The following PCDHGB2 variants were observed in gnomAD, a reference collection of about 807,000 sequenced individuals.
PCDHGB2 encodes protocadherin gamma-B2.
In PCDHGB2, 55 loss-of-function variants were observed where a neutral mutation model predicts 59.3. The ratio of observed to expected loss-of-function variants is 0.93; its 90% CI spans 0.75 to 1.16. The LOEUF (loss-of-function observed/expected upper bound fraction) is 1.16. Among genes scored for constraint, PCDHGB2 ranks in the 50% most tolerant of loss-of-function variants. The pLI is 0.00. For missense variants in PCDHGB2, 1,228 were observed against 1,198.5 expected (o/e 1.02, Z -0.36); for synonymous variants, 516 against 512.0 (o/e 1.01, Z -0.11).
chr5:141,365,422 T>C (rs537066811), intron 1 of PCDHGB2: 4 of 1,614,032 alleles, frequency 2.5e-6, no homozygotes, highest in East Asian at 2.2e-5. Flanking sequence ...TTCCCGGAAC[T>C]GTAATCGCGC....
At chr5:141,421,376 C>T in intron 1 of PCDHGB2, 2 of 1,614,030 alleles carry the variant, frequency 1.2e-6, no homozygotes, top group Non-Finnish European at 1.7e-6. Context: ...GGCAATATCT[C>T]CAAGGACCTG....
rs187873649 is a variant in PCDHGB2, at chr5:141,469,715, G to A, written c.2422-25092G>A. ...TATGACCTAGTAATCACACTATTAG[G>A]AATTTATCATAAATACACACCTCAA... On this transcript the variant is annotated intron_variant, in intron 1 of 3. Coordinates refer to ENST00000522605, the MANE Select transcript of PCDHGB2 (RefSeq NM_018923.3). Among the ~76,000 whole-genome samples, 552 of 152,160 alleles carry A rather than the reference G, an allele frequency of 3.6e-3. 1 individual carries two copies. Among genetic ancestry groups the A allele is most frequent in the Non-Finnish European group, 5.8e-3 (397 of 68,008 alleles).
rs367939205 is a variant in PCDHGB2 at position 141,383,529 on chromosome 5, G to A, written c.2421+20973G>A. ...GGGAGGAAGAGCGGGTTCACCACCT[G>A]GTCCTCACAGCCTCTGATGGCGGCG... On this transcript the variant is annotated intron_variant, in intron 1 of 3. Transcript: ENST00000522605. The A allele has an allele frequency of 3.0e-5, 48 of 1,612,474 alleles. No homozygotes were observed. The African/African-American group carries it at 5.7e-4, about 19-fold the overall frequency.
In PCDHGB2 at chr5:141,384,252, CT is replaced by C; in HGVS notation, c.2421+21698del. On this transcript the variant is annotated intron_variant, in intron 1 of 3. Transcript: ENST00000522605. ...CAGACACCAACGATAACCCACCCAC[CT>C]TCCCCCACTCATCCTACTCAGTCTA... 4 of 1,613,902 alleles carry C rather than the reference CT, an allele frequency of 2.5e-6. 1 individual carries two copies. In the South Asian group the frequency reaches 4.4e-5, roughly 18 times the overall value.
intron 1 of PCDHGB2, chr5:141,364,169 C>A: frequency 1.3e-6 from 1 of 765,758 alleles, no homozygotes; most frequent in Non-Finnish European, 1.9e-6. Flanking sequence ...GGCGACCCGA[C>A]TCTGCTCCCT....
intron 1 of PCDHGB2, among the ~76,000 whole-genome samples, chr5:141,469,206 A>T (rs752389937): frequency 6.6e-6 from 1 of 150,920 alleles, no homozygotes; most frequent in African/African-American, 2.4e-5. Flanking sequence ...AGCCTTTTGA[A>T]GTTGAGGCTT....
rs2099417733 is a variant in PCDHGB2, at chr5:141,477,771, G to C, written c.2422-17036G>C. ...ACCCCGGTCCTAGCCACCAACATCAGCGTGAACATATTTGTCACTGATCGC... is the reference window on the plus strand; with the variant it reads ...ACCCCGGTCCTAGCCACCAACATCACCGTGAACATATTTGTCACTGATCGC... On this transcript the variant is annotated intron_variant, in intron 1 of 3. Transcript: ENST00000522605. This position sits in a 1 kb window ranked among gnomAD's most constrained non-coding sequence, Gnocchi z 4.9. 3 of 1,613,992 alleles carry C rather than the reference G, an allele frequency of 1.9e-6. No homozygotes were observed. The highest frequency in any genetic ancestry group is 3.3e-4 in the Middle Eastern group (2 of 6,062).
chr5:141,499,029 A>AAGGAAGGAAGGAAGGAAGG (rs1562187768), intron 2 of PCDHGB2, among the ~76,000 whole-genome samples: 3 of 140,076 alleles, frequency 2.1e-5, no homozygotes, highest in African/African-American at 8.3e-5. Flanking sequence ...AGGAAGGAAG[A>AAGGAAGGAAGGAAGGAAGG]AAAGAAAGAA....
Position 141,491,913 on chromosome 5 carries a change from T to C in PCDHGB2, c.2422-2894T>C, listed in dbSNP as rs2099735120. 2.1e-6 allele frequency: 3 copies of C among 1,398,206 alleles called. No homozygotes were observed. Among genetic ancestry groups the C allele is most frequent in the Non-Finnish European group, 2.9e-6 (3 of 1,051,918 alleles). The allele number at this position is 1,398,206 out of a possible 1,614,324, so 86.6% of individuals were successfully genotyped here. On this transcript the variant is annotated intron_variant, in intron 1 of 3. Coordinates refer to ENST00000522605, the MANE Select transcript of PCDHGB2 (RefSeq NM_018923.3). The surrounding 1 kb of genome is among the most constrained non-coding windows in gnomAD (Gnocchi z 6.9). ...TCCGAGCACCGGGGGTGGTGGCGAC[T>C]GTGGGCGAGGGGAGGTGGGACCGAC... is the stretch of plus-strand genomic sequence containing the variant.
chr5:141,440,693 C>T (rs2098194597), intron 1 of PCDHGB2: 1 of 152,136 alleles, frequency 6.6e-6, no homozygotes, highest in Non-Finnish European at 1.5e-5. Context: ...GTAAAAGTGA[C>T]CAACAGTGGA....
At chr5:141,466,515 TTTTCCTCCCAAATTGA>T (rs2099124043) in intron 1 of PCDHGB2, among the ~76,000 whole-genome samples, 1 of 152,232 alleles carries the variant, frequency 6.6e-6, no homozygotes, top group Admixed American at 6.5e-5. Context: ...AGATCATTTT[TTTTCCTCCCAAATTGA>T]TGTAGATGGT....
rs1285420674 is a variant in PCDHGB2 at position 141,409,726 on chromosome 5, C to G, written c.2421+47170C>G. The G allele has an allele frequency of 1.9e-6, 3 of 1,612,982 alleles. No homozygotes were observed. The Admixed American group carries it at 5.0e-5, about 27-fold the overall frequency. On this transcript the variant is annotated intron_variant, in intron 1 of 3. Transcript: ENST00000522605. ...CGGTGTCGTCATACGTGTCAGTGAG[C>G]GCGCAGAGCGGGGTGGTGTTCGCGC...
At chr5:141,414,899 G>C (rs756810046) in intron 1 of PCDHGB2, 4 of 1,614,182 alleles carry the variant, frequency 2.5e-6, no homozygotes, top group Non-Finnish European at 3.4e-6. Context: ...CCCACAGACG[G>C]TTCCACAGGC....
At chr5:141,394,186 C>T (rs1412149852) in intron 1 of PCDHGB2, 7 of 1,613,792 alleles carry the variant, frequency 4.3e-6, no homozygotes, top group South Asian at 1.1e-5. Context: ...GCCTCCTACT[C>T]AGCGTATATC....
In PCDHGB2 at chr5:141,361,047, G is replaced by C; in HGVS notation, c.912G>C (p.Lys304Asn). The change falls in exon 1 of 4, where the codon AAG becomes AAC. Residue 304 changes from lysine to asparagine, a missense_variant. Around this residue, in one of 3 missense-constraint regions of PCDHGB2, gnomAD observed 781 missense variants for 721.6 expected, o/e 1.08. Transcript: ENST00000522605. ...AAAAAACAGGAGAAATCACGACAAA[G>C]GATGATTTGGATTTTGAGATTGCAA... is the stretch of plus-strand genomic sequence containing the variant. The part of the protein sequence containing the change: ...LNEKTGEITT[K>N]DDLDFEIASS... 1 of 1,613,616 alleles carries C rather than the reference G, an allele frequency of 6.2e-7. No individual in the cohort carries two copies. Among genetic ancestry groups the C allele is most frequent in the Non-Finnish European group, 8.5e-7 (1 of 1,179,684 alleles).
chr5:141,494,897 C>T (rs1194879883), intron 2 of PCDHGB2, 32 bp downstream of exon 2: 2 of 1,614,122 alleles, frequency 1.2e-6, no homozygotes, highest in South Asian at 2.2e-5. Flanking sequence ...CCACCCTCTT[C>T]TCTGCGGCAT....
intron 1 of PCDHGB2, among the ~76,000 whole-genome samples, chr5:141,481,148 C>G (rs2099532606): frequency 6.6e-6 from 1 of 152,176 alleles, no homozygotes; most frequent in Non-Finnish European, 1.5e-5. Context: ...AAGTGTTATT[C>G]TGGTATTTGC....
chr5:141,430,578 C>A (rs1561846151), intron 1 of PCDHGB2: 8 of 470,816 alleles, frequency 1.7e-5, no homozygotes, highest in East Asian at 1.0e-4. Flanking sequence ...AGCGGAGATC[C>A]TGCTCGCCTT....
At chr5:141,492,859 C>G (rs966216924) in intron 1 of PCDHGB2, among the ~76,000 whole-genome samples, 1 of 152,232 alleles carries the variant, frequency 6.6e-6, no homozygotes, top group Non-Finnish European at 1.5e-5. Context: ...CTCGAGCGCC[C>G]TGGCTCTCAA....
Sources: gnomAD v4.1 joint callset for allele counts (sites outside exome capture counted in the v4.1 genomes callset) on GRCh38, gnomAD v4.1.1 for gene constraint, gnomAD v4.1.1 regional missense constraint, Gnocchi (gnomAD v3.1) non-coding constraint, MANE v1.5 for transcripts, NCBI Gene and HGNC (gene_info 2026-07-23, HGNC 2026-07-21) for gene names.